SLCO5A1: variants seen among roughly 807,000 people sequenced by gnomAD.
SLCO5A1 encodes the protein solute carrier organic anion transporter family member 5A1.
A neutral mutation model predicts 65.1 loss-of-function variants in SLCO5A1; 39 were observed. The ratio of observed to expected loss-of-function variants is 0.60; its 90% CI spans 0.46 to 0.78. The LOEUF (loss-of-function observed/expected upper bound fraction) is 0.78, where lower values mean the gene tolerates loss of function less well. SLCO5A1 is among the 30% of genes least tolerant of loss of function. The pLI, the probability that SLCO5A1 is intolerant of heterozygous loss-of-function variation, is 0.00. For synonymous variants in SLCO5A1, 438 were observed against 415.7 expected (o/e 1.05, Z -0.65); for missense variants, 1,029 against 1,069.4 (o/e 0.96, Z 0.53).
chr8:69,688,428 T>C (rs1323587203), intron 6 of SLCO5A1, among the ~76,000 whole-genome samples: 1 of 152,118 alleles, frequency 6.6e-6, no homozygotes, highest in Non-Finnish European at 1.5e-5. Flanking sequence ...GCTGGTGTGC[T>C]GCACCCATTA....
intron 4 of SLCO5A1, among the ~76,000 whole-genome samples, chr8:69,740,215 C>G (rs552851470): frequency 6.6e-6 from 1 of 152,222 alleles, no homozygotes; most frequent in Non-Finnish European, 1.5e-5. Flanking sequence ...TTCTCCTTTA[C>G]TGGGGCTGAG....
At chr8:69,682,924 T>A (rs1813844783) in intron 6 of SLCO5A1, among the ~76,000 whole-genome samples, 1 of 152,210 alleles carries the variant, frequency 6.6e-6, no homozygotes, top group African/African-American at 2.4e-5. Context: ...GGAATCACAT[T>A]GCTAGTTTGA....
rs187378800 is a variant in SLCO5A1, at chr8:69,804,140, T to A, written c.907+27627A>T. 1.5e-4 allele frequency among the ~76,000 whole-genome samples: 23 copies of A among 152,284 alleles called. 1 individual carries two copies. Among genetic ancestry groups the A allele is most frequent in the Admixed American group, 1.3e-3 (20 of 15,298 alleles). On this transcript the variant is annotated intron_variant, in intron 2 of 9. Transcript: ENST00000260126. ...CGAGAGACCATGCAAAAGTTAAGTC[T>A]GACTAGATATATGTGAGTTTTTCAC...
intron 4 of SLCO5A1, among the ~76,000 whole-genome samples, chr8:69,745,614 G>T (rs1485143647): frequency 6.6e-6 from 1 of 151,870 alleles, no homozygotes; most frequent in Non-Finnish European, 1.5e-5. Context: ...CATAATTTTT[G>T]ACATGGATAT....
intron 2 of SLCO5A1, among the ~76,000 whole-genome samples, chr8:69,826,875 T>C (rs866105965): frequency 5.5e-4 from 84 of 152,174 alleles, no homozygotes; most frequent in Non-Finnish European, 9.1e-4. Flanking sequence ...CTATTCACAA[T>C]AGCAAAGACT....
At chr8:69,807,714 T>G (rs367726260) in intron 2 of SLCO5A1, among the ~76,000 whole-genome samples, 10 of 152,226 alleles carry the variant, frequency 6.6e-5, no homozygotes, top group African/African-American at 1.9e-4. Context: ...TGTTTGTTTG[T>G]TTGTTTTTTG....
intron 2 of SLCO5A1, among the ~76,000 whole-genome samples, chr8:69,817,402 G>C (rs1421554831): frequency 6.6e-6 from 1 of 152,088 alleles, no homozygotes; most frequent in Non-Finnish European, 1.5e-5. Context: ...TGAACACTTG[G>C]CTTGCTTCCG....
intron 2 of SLCO5A1, among the ~76,000 whole-genome samples, chr8:69,820,408 A>G (rs1820582523): frequency 6.6e-6 from 1 of 152,260 alleles, no homozygotes; most frequent in Non-Finnish European, 1.5e-5. Flanking sequence ...ACACATGGTT[A>G]TATGGTTCCA....
intron 4 of SLCO5A1, among the ~76,000 whole-genome samples, chr8:69,740,944 A>C (rs1294316303): frequency 1.3e-5 from 2 of 152,328 alleles, no homozygotes; most frequent in Non-Finnish European, 1.5e-5. Context: ...GCTAAAATTT[A>C]TTTGTAACCC....
In SLCO5A1 at chr8:69,677,280, T is replaced by G. The variant is rs181493911; in HGVS notation, c.2025-607A>C. Among the ~76,000 whole-genome samples, 206 of 152,326 alleles carry G rather than the reference T, an allele frequency of 1.4e-3. 1 individual carries two copies. The highest frequency in any genetic ancestry group is 0.011 in the Admixed American group (171 of 15,304). Reference sequence around the variant, plus strand: ...AGTTATTCCCATGTGACAGGAAGATTGGAGTCAACTGGTTCTGTAATTAGC... The same window carrying G: ...AGTTATTCCCATGTGACAGGAAGATGGGAGTCAACTGGTTCTGTAATTAGC... On this transcript the variant is annotated intron_variant, in intron 8 of 9. Transcript: ENST00000260126.
chr8:69,787,558 G>C (rs1430370304), intron 2 of SLCO5A1, among the ~76,000 whole-genome samples: 1 of 152,208 alleles, frequency 6.6e-6, no homozygotes, highest in Non-Finnish European at 1.5e-5. Flanking sequence ...GAGGATGTAT[G>C]TTATGTAACA....
chr8:69,705,035 T>C lies in SLCO5A1; in HGVS notation c.1618A>G (p.Thr540Ala), dbSNP rs1279641678. ...CGGCTCTTAAGAGGTACTTACCCTG[T>C]TGTATAAGGGATGTTTATGCCCCCT... ...NLGGINIPYT[T>A]GPSLTMPHRN... Residue 540 changes from threonine (T) to alanine (A), a missense_variant, in exon 6 of 10, where the codon ACA becomes GCA. By Grantham distance (58) the Thr-to-Ala change is moderately conservative (BLOSUM62 0). Transcript: ENST00000260126. 1 of 1,610,914 alleles carries C rather than the reference T, an allele frequency of 6.2e-7. No individual in the cohort carries two copies. Among genetic ancestry groups the C allele is most frequent in the Non-Finnish European group, 8.5e-7 (1 of 1,179,812 alleles).
intron 2 of SLCO5A1, among the ~76,000 whole-genome samples, chr8:69,822,764 A>G (rs1158640062): frequency 6.6e-6 from 1 of 152,244 alleles, no homozygotes; most frequent in Non-Finnish European, 1.5e-5. Flanking sequence ...CCAGGTGGAA[A>G]CAGGCTGGGA....
At chr8:69,735,335 A>T (rs1433444830) in intron 5 of SLCO5A1, among the ~76,000 whole-genome samples, 1 of 152,228 alleles carries the variant, frequency 6.6e-6, no homozygotes, top group Admixed American at 6.5e-5. Flanking sequence ...TACCCAAAGG[A>T]ATATAAATAA....
At chr8:69,802,377 A>T (rs1451349385) in intron 2 of SLCO5A1, among the ~76,000 whole-genome samples, 1 of 151,992 alleles carries the variant, frequency 6.6e-6, no homozygotes, top group Non-Finnish European at 1.5e-5. Flanking sequence ...GTGGTGGCGC[A>T]TGCCTGCAGT....
intron 2 of SLCO5A1, among the ~76,000 whole-genome samples, chr8:69,825,646 A>G (rs979178722): frequency 1.3e-5 from 2 of 152,192 alleles, no homozygotes; most frequent in African/African-American, 4.8e-5. Flanking sequence ...AAACAAATGG[A>G]AGAACGTTCC....
chr8:69,755,173 C>G (rs1029377368), intron 4 of SLCO5A1, among the ~76,000 whole-genome samples: 1 of 152,032 alleles, frequency 6.6e-6, no homozygotes, highest in African/African-American at 2.4e-5. Context: ...GCAAAATACA[C>G]AAATGATGAA....
At chr8:69,818,948 C>A (rs1334127540) in intron 2 of SLCO5A1, among the ~76,000 whole-genome samples, 2 of 152,130 alleles carry the variant, frequency 1.3e-5, no homozygotes, top group Non-Finnish European at 2.9e-5. Context: ...CATCATTCAG[C>A]CTCATGTTAG....
At chr8:69,693,862 A>C (rs1203959702) in intron 6 of SLCO5A1, among the ~76,000 whole-genome samples, 1 of 152,192 alleles carries the variant, frequency 6.6e-6, no homozygotes, top group Non-Finnish European at 1.5e-5. Context: ...CATCAATCCG[A>C]CTAGATAGAT....
Sources: gnomAD v4.1 joint callset for allele counts (sites outside exome capture counted in the v4.1 genomes callset) on GRCh38, gnomAD v4.1.1 for gene constraint, MANE v1.5 for transcripts, NCBI Gene and HGNC (gene_info 2026-07-23, HGNC 2026-07-21) for gene names.